Variants in SLC17A1 observed in about 807,000 individuals in gnomAD.
SLC17A1 encodes the protein sodium-dependent phosphate transport protein 1.
Under a neutral mutation model 53.5 loss-of-function variants are expected in SLC17A1, and 51 were observed. The ratio of observed to expected loss-of-function variants is 0.95; its 90% CI spans 0.76 to 1.20. The LOEUF is 1.20. SLC17A1 is among the 50% of genes most tolerant of loss of function. The probability of loss-of-function intolerance (pLI) is 0.00; values close to 1 mark genes in which losing one functional copy is unlikely to be tolerated. For missense variants in SLC17A1, 538 were observed against 568.2 expected (o/e 0.95, Z 0.54); for synonymous variants, 179 against 198.8 (o/e 0.90, Z 0.84).
rs746220690 is a variant in SLC17A1 at position 25,819,867 on chromosome 6, A to G, written c.256T>C (p.Ser86Pro). The change falls in exon 4 of 13, where the codon TCC becomes CCC. Residue 86 changes from serine to proline, a missense_variant. Physicochemically the swap from Ser to Pro is moderately conservative, Grantham distance 74 (BLOSUM62 -1). Transcript: ENST00000244527. The stretch of plus-strand genomic sequence containing the variant: ...ATGATGATGACACCATAGGAGGTGG[A>G]ACTCAAGATGATTCCCTGGATATCT... ...SPDIQGIILSSTSYGVIIIQV... is the reference protein window; with the variant it reads ...SPDIQGIILSPTSYGVIIIQV... 13 of 1,613,868 alleles carry G rather than the reference A, an allele frequency of 8.1e-6. No homozygotes were observed. Among genetic ancestry groups the G allele is most frequent in the Non-Finnish European group, 1.0e-5 (12 of 1,179,870 alleles).
the SLC17A1 span, among the ~76,000 whole-genome samples, chr6:25,766,574 C>T: frequency 6.6e-6 from 1 of 152,136 alleles, no homozygotes; most frequent in Admixed American, 6.5e-5. Flanking sequence ...TACCTCAAGC[C>T]AGGGCACCAA....
chr6:25,756,771 T>A, the SLC17A1 span, among the ~76,000 whole-genome samples: 1 of 152,204 alleles, frequency 6.6e-6, no homozygotes, highest in East Asian at 1.9e-4. Flanking sequence ...CAACATTGCA[T>A]TCATTGATTC....
chr6:25,800,829 T>C (rs1165210), intron 11 of SLC17A1, 61 bp downstream of exon 11: 1,011,938 of 1,050,164 alleles, frequency 0.96, 487,706 homozygotes, highest in East Asian at 1. Context: ...TTTTCATATG[T>C]GTAATCTTTC....
At chr6:25,760,198 G>A in the SLC17A1 span, among the ~76,000 whole-genome samples, 1 of 152,162 alleles carries the variant, frequency 6.6e-6, no homozygotes, top group Non-Finnish European at 1.5e-5. Flanking sequence ...ATAGCAAAGC[G>A]AAGCACATTT....
the SLC17A1 span, chr6:25,770,480 T>C: frequency 6.2e-7 from 1 of 1,613,332 alleles, no homozygotes; most frequent in African/African-American, 1.3e-5. Context: ...AGGTAACTGG[T>C]ACCCTAAACC....
intron 2 of SLC17A1, among the ~76,000 whole-genome samples, chr6:25,828,856 G>A (rs991064312): frequency 8.6e-5 from 13 of 152,022 alleles, no homozygotes; most frequent in Non-Finnish European, 1.3e-4. Flanking sequence ...AAAGTCATTT[G>A]CAGCTATAAA....
chr6:25,726,552 A>G, the SLC17A1 span: 33 of 1,589,226 alleles, frequency 2.1e-5, no homozygotes, highest in Middle Eastern at 1.7e-4. Flanking sequence ...TTGCAGCAAC[A>G]CGAGAACCAC....
chr6:25,776,971 T>C, the SLC17A1 span: 3 of 1,599,542 alleles, frequency 1.9e-6, no homozygotes, highest in Non-Finnish European at 1.7e-6. Flanking sequence ...TAGGGACCTC[T>C]TTTGCCTCAT....
the SLC17A1 span, among the ~76,000 whole-genome samples, chr6:25,763,743 G>A: frequency 6.6e-6 from 1 of 152,172 alleles, no homozygotes; most frequent in Non-Finnish European, 1.5e-5. Context: ...TGGGCCTTCA[G>A]GTTCTGCCTG....
rs1764481922 is a variant in SLC17A1, at chr6:25,819,669, A to G, written c.441+13T>C. The G allele has an allele frequency of 1.2e-6, 2 of 1,613,160 alleles. No homozygotes were observed. Among genetic ancestry groups the G allele is most frequent in the Non-Finnish European group, 1.7e-6 (2 of 1,179,298 alleles). ...AATTTAAACTCTGTTCAGTTTTAGC[A>G]TTATTTTAATACCTGGGCTGCTCCC... On this transcript the variant is annotated intron_variant, in intron 4 of 12. Transcript: ENST00000244527.
intron 10 of SLC17A1, 111 bp from the exon 11 acceptor site, chr6:25,801,091 G>T (rs1165209): frequency 1.5e-6 from 1 of 660,478 alleles, no homozygotes; most frequent in Non-Finnish European, 2.7e-6. Context: ...GCAAGTTCCT[G>T]CTTCTCAAAT....
rs193176708 is a variant in SLC17A1, at chr6:25,784,243, C to T, written c.*3-1025G>A. On this transcript the variant is annotated intron_variant, in intron 12 of 12. Coordinates refer to ENST00000244527, the MANE Select transcript of SLC17A1 (RefSeq NM_005074.5). ...TAGCTGAACATATGTATTCTCTTCACATAGGCAATCATGATACATCTTATC... is the reference window on the plus strand; with the variant it reads ...TAGCTGAACATATGTATTCTCTTCATATAGGCAATCATGATACATCTTATC... 2.0e-4 allele frequency among the ~76,000 whole-genome samples: 30 copies of T among 152,288 alleles called. No individual in the cohort carries two copies. The East Asian group carries it at 3.3e-3, about 17-fold the overall frequency.
the SLC17A1 span, chr6:25,726,401 G>A: frequency 1.5e-5 from 25 of 1,613,988 alleles, no homozygotes; most frequent in South Asian, 9.9e-5. Flanking sequence ...GCCCCTATCC[G>A]CTCTGCATAG....
chr6:25,819,090 C>T lies in SLC17A1; in HGVS notation c.594G>A (p.Trp198Ter). The change falls in exon 6 of 13, where the codon TGG becomes TGA. Residue 198 changes from tryptophan to a stop codon, truncating the protein, a stop_gained. Transcript: ENST00000244527. LOFTEE classifies it high-confidence loss of function. ...VTGVICESLG[W>*]PMVFYIFGAC... ...CACCAAAAATATAGAAGACCATGGG[C>T]CAGCCCAGAGATTCACAGATAACTC... 1.2e-6 allele frequency: 2 copies of T among 1,607,244 alleles called. No individual in the cohort carries two copies. Among genetic ancestry groups the T allele is most frequent in the East Asian group, 2.2e-5 (1 of 44,644 alleles).
the SLC17A1 span, among the ~76,000 whole-genome samples, chr6:25,760,032 C>T: frequency 7.8e-3 from 1,183 of 152,272 alleles, 27 homozygotes; most frequent in East Asian, 0.065. Flanking sequence ...CGTGAAGCAG[C>T]AATACAAGTG....
chr6:25,806,390 A>G (rs754215579), intron 10 of SLC17A1, among the ~76,000 whole-genome samples: 32 of 152,158 alleles, frequency 2.1e-4, no homozygotes, highest in Non-Finnish European at 3.4e-4. Flanking sequence ...AAAATAATAA[A>G]AGTCACATAT....
the SLC17A1 span, among the ~76,000 whole-genome samples, chr6:25,730,460 A>G: frequency 2.0e-5 from 3 of 152,332 alleles, no homozygotes; most frequent in East Asian, 3.9e-4. Context: ...AGTTGAACTC[A>G]TATAAGTAGC....
chr6:25,766,737 C>A, the SLC17A1 span, among the ~76,000 whole-genome samples: 6 of 152,088 alleles, frequency 3.9e-5, no homozygotes, highest in Admixed American at 1.3e-4. Context: ...TAAGGGATGC[C>A]CCACAAAACA....
the SLC17A1 span, chr6:25,727,218 C>G: frequency 6.2e-7 from 1 of 1,614,058 alleles, no homozygotes; most frequent in East Asian, 2.2e-5. Flanking sequence ...GCGCTTGCTA[C>G]TGCCGGGAGA....
Sources: allele counts gnomAD v4.1 joint callset (sites outside exome capture counted in the v4.1 genomes callset), GRCh38; gene constraint gnomAD v4.1.1; transcripts MANE v1.5; gene names NCBI Gene and HGNC (gene_info 2026-07-23, HGNC 2026-07-21).